TPRG1: variants seen among roughly 807,000 people sequenced by gnomAD.
The protein encoded by TPRG1 is tumor protein p63 regulated 1.
Under a neutral mutation model 29.3 loss-of-function variants are expected in TPRG1, and 29 were observed. The observed-to-expected ratio is 0.99, with a 90% CI of 0.74 to 1.35. The LOEUF (loss-of-function observed/expected upper bound fraction) is 1.35. Among genes scored for constraint, TPRG1 ranks in the 40% most tolerant of loss-of-function variants. The pLI, the probability that TPRG1 is intolerant of heterozygous loss-of-function variation, is 0.00. For missense variants in TPRG1, 327 were observed against 335.0 expected, an observed-to-expected ratio of 0.98 and a Z score of 0.19; for synonymous variants, 130 against 116.8, an observed-to-expected ratio of 1.11 and a Z score of -0.73.
intron 4 of TPRG1, among the ~76,000 whole-genome samples, chr3:189,287,336 T>G (rs1014406580): frequency 6.6e-6 from 1 of 152,050 alleles, no homozygotes; most frequent in African/African-American, 2.4e-5. Flanking sequence ...CTTTATAGAT[T>G]TCTATATGTG....
intron 3 of TPRG1, among the ~76,000 whole-genome samples, chr3:189,223,051 G>A (rs1737177622): frequency 6.6e-6 from 1 of 152,188 alleles, no homozygotes; most frequent in African/African-American, 2.4e-5. Flanking sequence ...TGCACTTTGT[G>A]AAGAAGGCAC....
chr3:189,140,551 A>G (rs141981850), intron 3 of TPRG1, among the ~76,000 whole-genome samples: 1 of 152,150 alleles, frequency 6.6e-6, no homozygotes, highest in Non-Finnish European at 1.5e-5. Flanking sequence ...TGTTACCACT[A>G]TTATTCTCCT....
intron 1 of TPRG1, among the ~76,000 whole-genome samples, chr3:189,182,577 A>G (rs550932458): frequency 2.0e-4 from 30 of 152,302 alleles, no homozygotes; most frequent in African/African-American, 7.2e-4. Flanking sequence ...GTATACCAAG[A>G]TTCATAAATC....
At chr3:189,060,176 G>A (rs1284174396) in intron 4 of TPRG1, among the ~76,000 whole-genome samples, 1 of 152,178 alleles carries the variant, frequency 6.6e-6, no homozygotes, top group Non-Finnish European at 1.5e-5. Flanking sequence ...AGGTTGTGGT[G>A]AGCTGAGATT....
chr3:189,144,371 C>A (rs1724970532), intron 3 of TPRG1, among the ~76,000 whole-genome samples: 2 of 152,112 alleles, frequency 1.3e-5, no homozygotes, highest in South Asian at 4.1e-4. Context: ...GAATATTTAG[C>A]CAAATACTCC....
chr3:189,162,144 C>T (rs1378163335), intron 5 of TPRG1, among the ~76,000 whole-genome samples: 2 of 152,114 alleles, frequency 1.3e-5, no homozygotes, highest in African/African-American at 4.8e-5. Context: ...AGTCACCTGC[C>T]ACCATGCCTG....
At chr3:189,159,433 G>A (rs1260538557) in intron 5 of TPRG1, among the ~76,000 whole-genome samples, 2 of 152,114 alleles carry the variant, frequency 1.3e-5, no homozygotes, top group East Asian at 3.9e-4. Flanking sequence ...AATAGAGACG[G>A]AGAATTGAGG....
At chr3:189,072,791 A>C (rs1716889855) in intron 4 of TPRG1, among the ~76,000 whole-genome samples, 1 of 152,054 alleles carries the variant, frequency 6.6e-6, no homozygotes, top group Non-Finnish European at 1.5e-5. Flanking sequence ...CCATCCATCC[A>C]TCATTTATCT....
chr3:189,138,317 A>G lies in TPRG1; in HGVS notation c.-291+5620A>G, dbSNP rs186505755. Among the ~76,000 whole-genome samples, 17 of 152,342 alleles carry G rather than the reference A, an allele frequency of 1.1e-4. No homozygotes were observed. In the East Asian group the frequency reaches 3.1e-3, roughly 28 times the overall value. On this transcript the variant is annotated intron_variant, in intron 3 of 6. Transcript: ENST00000412373. The stretch of plus-strand genomic sequence containing the variant: ...AGGAGACACTGGTTGTTTTTCTGGT[A>G]ACAACACATTTTGTGTAATGAGATA...
intron 4 of TPRG1, among the ~76,000 whole-genome samples, chr3:189,148,324 T>G (rs1725511240): frequency 6.6e-6 from 1 of 152,224 alleles, no homozygotes; most frequent in Non-Finnish European, 1.5e-5. Context: ...AGTTCCTGGC[T>G]GCAAAGGGCT....
intron 1 of TPRG1, chr3:189,123,587 G>T (rs1722077487): frequency 6.6e-6 from 1 of 152,162 alleles, no homozygotes; most frequent in South Asian, 2.1e-4. Flanking sequence ...AGCTTTGGTA[G>T]GCAGCCTGAA....
At chr3:189,022,522 G>A (rs1388869556) in intron 3 of TPRG1, among the ~76,000 whole-genome samples, 1 of 151,556 alleles carries the variant, frequency 6.6e-6, no homozygotes, top group Non-Finnish European at 1.5e-5. Flanking sequence ...CTGCTGGGGG[G>A]TGCCTCCCAG....
intron 5 of TPRG1, among the ~76,000 whole-genome samples, chr3:189,155,961 C>T (rs1726613154): frequency 6.6e-6 from 1 of 152,042 alleles, no homozygotes; most frequent in Admixed American, 6.6e-5. Context: ...TTGAAATTTG[C>T]TGAGAGAGTA....
At chr3:189,210,917 G>T (rs191823242) in intron 2 of TPRG1, among the ~76,000 whole-genome samples, 1 of 152,130 alleles carries the variant, frequency 6.6e-6, no homozygotes, top group Admixed American at 6.6e-5. Flanking sequence ...TGAGTGGAGG[G>T]ATTACTTGGT....
At chr3:189,104,486 TAA>T (rs1719576834) in intron 1 of TPRG1, among the ~76,000 whole-genome samples, 1 of 152,090 alleles carries the variant, frequency 6.6e-6, no homozygotes, top group Non-Finnish European at 1.5e-5. Flanking sequence ...TAATCAGACT[TAA>T]GTCAACATAA....
At chr3:189,306,858 G>A (rs991501768) in intron 4 of TPRG1, among the ~76,000 whole-genome samples, 1 of 152,116 alleles carries the variant, frequency 6.6e-6, no homozygotes, top group African/African-American at 2.4e-5. Flanking sequence ...GAAAGGTGGT[G>A]TGAAATGCCC....
intron 1 of TPRG1, among the ~76,000 whole-genome samples, chr3:189,176,508 A>G (rs1348667492): frequency 6.6e-6 from 1 of 152,244 alleles, no homozygotes; most frequent in Non-Finnish European, 1.5e-5. Context: ...TGATACAGAA[A>G]ATAAACAAAA....
chr3:189,043,462 C>A lies in TPRG1; in HGVS notation c.-463+19516C>A, dbSNP rs142605782. On this transcript the variant is annotated intron_variant, in intron 4 of 10. Coordinates refer to the TPRG1 transcript ENST00000433971. ...CAAATGACAAGGTTGGACTGCATAT[C>A]ATGCAGGCCCTTTATGGGATCTGAC... is the stretch of plus-strand genomic sequence containing the variant. 1.2e-3 allele frequency among the ~76,000 whole-genome samples: 178 copies of A among 152,322 alleles called. 1 individual carries two copies. The highest frequency in any genetic ancestry group is 2.1e-3 in the Non-Finnish European group (141 of 68,030).
intron 3 of TPRG1, among the ~76,000 whole-genome samples, chr3:189,219,415 C>T (rs1055198732): frequency 6.6e-6 from 1 of 151,874 alleles, no homozygotes; most frequent in Non-Finnish European, 1.5e-5. Context: ...AGGATTCAGG[C>T]CTCCAGGCGA....
Sources: allele counts gnomAD v4.1 joint callset (sites outside exome capture counted in the v4.1 genomes callset), GRCh38; gene constraint gnomAD v4.1.1; transcripts MANE v1.5; gene names NCBI Gene and HGNC (gene_info 2026-07-23, HGNC 2026-07-21).